Variants in SIPA1L3 observed in about 807,000 individuals in gnomAD.
SIPA1L3 encodes the protein signal-induced proliferation-associated 1-like protein 3.
In SIPA1L3, 59 loss-of-function variants were observed where a neutral mutation model predicts 150.1. The ratio of observed to expected loss-of-function variants is 0.39; its 90% CI spans 0.32 to 0.49. SIPA1L3 has a LOEUF of 0.49. SIPA1L3 is among the 20% of genes least tolerant of loss of function. The pLI is 0.86. For synonymous variants in SIPA1L3, 1,070 were observed against 1,077.6 expected (o/e 0.99, Z 0.14); for missense variants, 2,211 against 2,489.5 (o/e 0.89, Z 2.38).
At chr19:37,910,823 T>C (rs1443862692) in intron 1 of SIPA1L3, among the ~76,000 whole-genome samples, 1 of 152,208 alleles carries the variant, frequency 6.6e-6, no homozygotes, top group Non-Finnish European at 1.5e-5. Flanking sequence ...CTCGAACTCT[T>C]GACCTCAGGT....
intron 15 of SIPA1L3, among the ~76,000 whole-genome samples, chr19:38,173,917 A>G (rs1209576717): frequency 6.7e-6 from 1 of 148,852 alleles, no homozygotes; most frequent in Non-Finnish European, 1.5e-5. Context: ...TGGCTGGAGC[A>G]GAGTGAAGGA....
chr19:38,164,499 T>C lies in SIPA1L3; in HGVS notation c.3801T>C (p.Ser1267=). Residue 1267 remains serine (S), a synonymous_variant, in exon 15 of 22, where the codon AGT becomes AGC. Transcript: ENST00000222345. The surrounding 1 kb of genome is among the most constrained non-coding windows in gnomAD (Gnocchi z 4.1). ...CTCAGGGAGAACCTCAATACTCAAG[T>C]CATTCCAGCAGCAACACCCTCTCCA... ...RHSKGEPQYS[S]HSSSNTLSSN... 6.2e-7 allele frequency: 1 copy of C among 1,611,788 alleles called. No individual in the cohort carries two copies. The highest frequency in any genetic ancestry group is 8.5e-7 in the Non-Finnish European group (1 of 1,178,398).
intron 9 of SIPA1L3, among the ~76,000 whole-genome samples, chr19:38,124,366 G>A (rs1359567136): frequency 1.3e-5 from 2 of 148,418 alleles, no homozygotes; most frequent in African/African-American, 5.2e-5. Context: ...CCCAGACGGG[G>A]TGGCGGGGCA....
chr19:38,085,740 TC>T (rs1282016219), intron 3 of SIPA1L3, among the ~76,000 whole-genome samples: 1 of 152,220 alleles, frequency 6.6e-6, no homozygotes, highest in Non-Finnish European at 1.5e-5. Flanking sequence ...ATGCCTGTAA[TC>T]CCCGCACTTT....
At chr19:37,937,454 T>G (rs989856102) in intron 1 of SIPA1L3, among the ~76,000 whole-genome samples, 1 of 152,004 alleles carries the variant, frequency 6.6e-6, no homozygotes, top group African/African-American at 2.4e-5. Flanking sequence ...TTTATCAAAA[T>G]ATGGCTGAGT....
At chr19:38,025,203 A>G (rs920768142) in intron 1 of SIPA1L3, among the ~76,000 whole-genome samples, 1 of 152,120 alleles carries the variant, frequency 6.6e-6, no homozygotes, top group Admixed American at 6.5e-5. Context: ...AGGGGAGGAG[A>G]CATTCAGGCC....
intron 13 of SIPA1L3, among the ~76,000 whole-genome samples, chr19:38,154,602 C>T (rs769765895): frequency 7.9e-5 from 12 of 152,120 alleles, no homozygotes; most frequent in Non-Finnish European, 1.5e-4. Flanking sequence ...CATGCGCCAC[C>T]ACACCTGGCT....
At chr19:37,962,076 A>G (rs1431370312) in intron 1 of SIPA1L3, among the ~76,000 whole-genome samples, 1 of 151,632 alleles carries the variant, frequency 6.6e-6, no homozygotes. Context: ...GGCAATTTCT[A>G]TTAACTGATT....
chr19:38,002,456 C>T (rs1404856610), intron 1 of SIPA1L3, among the ~76,000 whole-genome samples: 1 of 151,784 alleles, frequency 6.6e-6, no homozygotes, highest in Non-Finnish European at 1.5e-5. Context: ...ATTTTGTGGC[C>T]AGGTGCGGTG....
chr19:37,992,785 A>G (rs1356524789), intron 1 of SIPA1L3, among the ~76,000 whole-genome samples: 2 of 152,096 alleles, frequency 1.3e-5, no homozygotes, highest in Non-Finnish European at 2.9e-5. Context: ...CTCCTTTCAG[A>G]GGAGAGTGGC....
At chr19:37,972,309 C>T (rs915184102) in intron 1 of SIPA1L3, among the ~76,000 whole-genome samples, 3 of 151,824 alleles carry the variant, frequency 2.0e-5, no homozygotes, top group Non-Finnish European at 2.9e-5. Flanking sequence ...TTTTGAAATA[C>T]GAAGATAAAT....
chr19:37,954,574 TC>T (rs1433484511), intron 1 of SIPA1L3, among the ~76,000 whole-genome samples: 2 of 152,108 alleles, frequency 1.3e-5, no homozygotes, highest in Non-Finnish European at 2.9e-5. Context: ...GAACATTGCT[TC>T]CCTTGAAAAC....
rs114550303 is a variant in SIPA1L3 at position 37,928,634 on chromosome 19, A to C, written c.-379+21276A>C. Among the ~76,000 whole-genome samples, 652 of 152,114 alleles carry C rather than the reference A, an allele frequency of 4.3e-3. 8 individuals carry two copies. The highest frequency in any genetic ancestry group is 0.015 in the African/African-American group (627 of 41,484). On this transcript the variant is annotated intron_variant, in intron 1 of 21. Coordinates refer to ENST00000222345, the MANE Select transcript of SIPA1L3 (RefSeq NM_015073.3). ...GAATCCCCAGAGGGCTAGGTAAAAC[A>C]CAGATTGCTGGGCCCCATCTGATTC... is the stretch of plus-strand genomic sequence containing the variant.
chr19:37,937,766 A>AAAAAAAAAAC (rs1599815144), intron 1 of SIPA1L3, among the ~76,000 whole-genome samples: 1 of 131,822 alleles, frequency 7.6e-6, no homozygotes, highest in African/African-American at 2.8e-5. Flanking sequence ...AAAAAAAAAG[A>AAAAAAAAAAC]CCAGGCACGG....
intron 13 of SIPA1L3, among the ~76,000 whole-genome samples, chr19:38,155,989 G>A (rs559969421): frequency 6.6e-6 from 1 of 152,292 alleles, no homozygotes; most frequent in Non-Finnish European, 1.5e-5. Flanking sequence ...GCTGAGGCAG[G>A]AGAATCGCTT....
intron 21 of SIPA1L3, 82 bp downstream of exon 21, chr19:38,204,290 C>G: frequency 8.4e-7 from 1 of 1,184,752 alleles, no homozygotes; most frequent in South Asian, 1.3e-5. Flanking sequence ...CACCTGCCCC[C>G]GCCATGCAGG....
rs774724944 is a variant in SIPA1L3, at chr19:38,119,695, A to G, written c.2681A>G (p.Asn894Ser). The G allele has an allele frequency of 8.7e-6, 14 of 1,614,046 alleles. No homozygotes were observed. The highest frequency in any genetic ancestry group is 1.6e-4 in the Middle Eastern group (1 of 6,084). Residue 894 changes from asparagine to serine, a missense_variant, in exon 9 of 22, where the codon AAT becomes AGT. Physicochemically the swap from Asn to Ser is conservative, Grantham distance 46. This residue lies in a region of SIPA1L3 where 625 missense variants were observed against 804.2 expected (regional missense o/e 0.78). Coordinates refer to ENST00000222345, the MANE Select transcript of SIPA1L3 (RefSeq NM_015073.3). ...ATCGACTGCATTTTGGGAATTTCCA[A>G]TGAGTTTGTGGTGCTCCTGGACTTA... is the stretch of plus-strand genomic sequence containing the variant. ...VEIDCILGIS[N>S]EFVVLLDLRT...
chr19:38,177,010 CAAAA>C (rs1191799798), intron 15 of SIPA1L3, among the ~76,000 whole-genome samples: 2 of 151,778 alleles, frequency 1.3e-5, no homozygotes, highest in Admixed American at 6.6e-5. Context: ...AACAAACAAA[CAAAA>C]AACATGCCAC....
At chr19:38,144,776 C>T (rs754738130) in intron 12 of SIPA1L3, among the ~76,000 whole-genome samples, 6 of 152,076 alleles carry the variant, frequency 3.9e-5, no homozygotes, top group African/African-American at 1.2e-4. Flanking sequence ...TGGAGAGGAT[C>T]GTAAAAACCA....
Sources: allele counts gnomAD v4.1 joint callset (sites outside exome capture counted in the v4.1 genomes callset), GRCh38; gene constraint gnomAD v4.1.1; regional missense constraint gnomAD v4.1.1; non-coding constraint Gnocchi (gnomAD v3.1); transcripts MANE v1.5; gene names NCBI Gene and HGNC (gene_info 2026-07-23, HGNC 2026-07-21).